The following GNG2 variants were observed in gnomAD, a reference collection of about 807,000 sequenced individuals.
The protein encoded by GNG2 is guanine nucleotide-binding protein G(I)/G(S)/G(O) subunit gamma-2.
GNG2 carries 5 observed loss-of-function variants against 5.5 expected under a neutral mutation model. That is an observed-to-expected ratio of 0.91 (90% CI 0.48 to 1.92). The LOEUF (loss-of-function observed/expected upper bound fraction) is 1.92, where lower values mean the gene tolerates loss of function less well. Ranked by LOEUF, GNG2 falls within the 30% of genes most tolerant of loss-of-function variation. The pLI, the probability that GNG2 is intolerant of heterozygous loss-of-function variation, is 0.01. For missense variants in GNG2, 55 were observed against 88.4 expected (o/e 0.62, Z 1.52); for synonymous variants, 28 against 32.0 (o/e 0.88, Z 0.42).
intron 2 of GNG2, among the ~76,000 whole-genome samples, chr14:51,922,194 T>G (rs773909410): frequency 6.6e-6 from 1 of 152,040 alleles, no homozygotes; most frequent in African/African-American, 2.4e-5. Flanking sequence ...TAATGGAGAT[T>G]ATGCTTTCTT....
chr14:51,898,056 C>T (rs751246747), intron 2 of GNG2, among the ~76,000 whole-genome samples: 2 of 152,128 alleles, frequency 1.3e-5, no homozygotes, highest in Non-Finnish European at 2.9e-5. Flanking sequence ...TACTTTCCAT[C>T]TATGGCCTGG....
chr14:51,849,912 T>C (rs566314006), intron 2 of GNG2, among the ~76,000 whole-genome samples: 219 of 151,696 alleles, frequency 1.4e-3, no homozygotes, highest in African/African-American at 5.0e-3. Context: ...TGGGCTCAGG[T>C]GATCCTCCCA....
At chr14:51,856,145 T>C (rs1204433201), upstream of GNG2, among the ~76,000 whole-genome samples, 1 of 151,936 alleles carries the variant, frequency 6.6e-6, no homozygotes, top group African/African-American at 2.4e-5. Context: ...GCCACTGCAC[T>C]ACACCCTGGG....
At chr14:51,950,557 C>T (rs1888912249) in intron 2 of GNG2, 93 bp from the exon 3 acceptor site, 2 of 746,958 alleles carry the variant, frequency 2.7e-6, no homozygotes, top group Non-Finnish European at 4.5e-6. Flanking sequence ...CTGGCTACAG[C>T]CACTGCTTTG....
intron 2 of GNG2, among the ~76,000 whole-genome samples, chr14:51,893,091 A>T (rs565701181): frequency 2.9e-4 from 44 of 152,292 alleles, no homozygotes; most frequent in African/African-American, 1.0e-3. Flanking sequence ...CTTCTAACTA[A>T]CCTGTCATAC....
chr14:51,856,578 G>A (rs145317616), upstream of GNG2, among the ~76,000 whole-genome samples: 1,058 of 152,084 alleles, frequency 7.0e-3, 11 homozygotes, highest in African/African-American at 0.024. Flanking sequence ...GACTACAGGC[G>A]TGCACCACTA....
intron 2 of GNG2, among the ~76,000 whole-genome samples, chr14:51,940,710 T>C (rs1005813778): frequency 2.6e-5 from 4 of 152,204 alleles, no homozygotes; most frequent in African/African-American, 9.6e-5. Flanking sequence ...TAAATCTTTA[T>C]TGATTTAAAA....
In GNG2 at chr14:51,884,227, GAAA is replaced by G. The variant is rs996323372; in HGVS notation, c.-30+6576_-30+6578del. 7.9e-5 allele frequency among the ~76,000 whole-genome samples: 12 copies of G among 152,090 alleles called. No homozygotes were observed. The East Asian group carries it at 2.3e-3, about 29-fold the overall frequency. ...TAAAATGTGCCTTTTAAAACTGAAA[GAAA>G]AAAAATGTCAGAACCAAAGTGATGC... On this transcript the variant is annotated intron_variant, in intron 2 of 3. Coordinates refer to ENST00000556766, the MANE Select transcript of GNG2 (RefSeq NM_053064.5).
At chr14:51,921,114 GA>G (rs1399134095) in intron 2 of GNG2, among the ~76,000 whole-genome samples, 2 of 152,086 alleles carry the variant, frequency 1.3e-5, no homozygotes, top group Admixed American at 1.3e-4. Flanking sequence ...ATTGTATAGT[GA>G]AAAAAGGTAC....
At chr14:51,835,169 TG>T (rs1382222494) in intron 2 of GNG2, among the ~76,000 whole-genome samples, 1 of 151,956 alleles carries the variant, frequency 6.6e-6, no homozygotes, top group Non-Finnish European at 1.5e-5. Flanking sequence ...TCAGTTGAGG[TG>T]AAGAGTGAAG....
intron 2 of GNG2, among the ~76,000 whole-genome samples, chr14:51,853,773 A>G (rs80311772): frequency 0.061 from 9,225 of 152,258 alleles, 358 homozygotes; most frequent in Middle Eastern, 0.16. Context: ...TTCCTTTTAA[A>G]GGACTATTTT....
rs576369221 is a variant in GNG2, at chr14:51,829,326, C to T, written c.64+1519C>T. On this transcript the variant is annotated intron_variant, in intron 2 of 3. Coordinates refer to the GNG2 transcript ENST00000553432. The stretch of plus-strand genomic sequence containing the variant: ...CAAAAGTTCTTTAAATTCAACAGTG[C>T]TTGGACACACCTGCAAGCTATTGAT... 9.2e-5 allele frequency among the ~76,000 whole-genome samples: 14 copies of T among 152,282 alleles called. No individual in the cohort carries two copies. The South Asian group carries it at 2.9e-3, about 32-fold the overall frequency.
At chr14:51,873,614 T>G (rs2140126219) in intron 1 of GNG2, among the ~76,000 whole-genome samples, 1 of 152,286 alleles carries the variant, frequency 6.6e-6, no homozygotes, top group Non-Finnish European at 1.5e-5. Flanking sequence ...GGCATTCTCT[T>G]GGGAAAAAGG....
intron 1 of GNG2, among the ~76,000 whole-genome samples, chr14:51,862,448 A>G (rs1882566602): frequency 6.6e-6 from 1 of 152,244 alleles, no homozygotes. Context: ...TCGATCCAGA[A>G]TGACCCAGTG....
At chr14:51,966,232 A>AAAAAG (rs1889902185) in intron 3 of GNG2, among the ~76,000 whole-genome samples, 1 of 79,814 alleles carries the variant, frequency 1.3e-5, no homozygotes, top group African/African-American at 3.7e-5. Context: ...AAAAAAAAAA[A>AAAAAG]AAAAACAAAT....
intron 2 of GNG2, among the ~76,000 whole-genome samples, chr14:51,879,021 T>C (rs1883864988): frequency 6.6e-6 from 1 of 152,244 alleles, no homozygotes; most frequent in Non-Finnish European, 1.5e-5. Context: ...ATCCCTGTCC[T>C]TGGTTCACAA....
intron 2 of GNG2, among the ~76,000 whole-genome samples, chr14:51,846,728 CA>C (rs1881638625): frequency 6.6e-6 from 1 of 152,094 alleles, no homozygotes; most frequent in African/African-American, 2.4e-5. Context: ...CCCCTGGCTA[CA>C]AAAAAGGGAT....
At chr14:51,958,383 A>G (rs1170084774) in intron 3 of GNG2, among the ~76,000 whole-genome samples, 1 of 143,290 alleles carries the variant, frequency 7.0e-6, no homozygotes, top group African/African-American at 2.6e-5. Flanking sequence ...AGGACCTCTC[A>G]GTGGATAGAG....
At chr14:51,929,096 G>A (rs1041275491) in intron 2 of GNG2, among the ~76,000 whole-genome samples, 4 of 152,168 alleles carry the variant, frequency 2.6e-5, no homozygotes, top group African/African-American at 9.7e-5. Context: ...TGGGTTTGTA[G>A]GACCAAATCC....
Sources: allele counts gnomAD v4.1 joint callset (sites outside exome capture counted in the v4.1 genomes callset), GRCh38; gene constraint gnomAD v4.1.1; transcripts MANE v1.5; gene names NCBI Gene and HGNC (gene_info 2026-07-23, HGNC 2026-07-21).